CLIC4: variants seen among roughly 807,000 people sequenced by gnomAD.
CLIC4 encodes the protein CLIC family member 4.
A neutral mutation model predicts 24.6 loss-of-function variants in CLIC4; 13 were observed. That is an observed-to-expected ratio of 0.53 (90% confidence interval 0.34 to 0.84). The LOEUF (loss-of-function observed/expected upper bound fraction) is 0.84. CLIC4 is among the 40% of genes least tolerant of loss of function. The probability of loss-of-function intolerance (pLI) is 0.01; values close to 1 mark genes in which losing one functional copy is unlikely to be tolerated. For synonymous variants in CLIC4, 104 were observed against 111.3 expected (o/e 0.93, Z 0.41); for missense variants, 227 against 301.7 (o/e 0.75, Z 1.83).
At chr1:24,807,120 A>AC (rs1639558557) in intron 2 of CLIC4, among the ~76,000 whole-genome samples, 4 of 151,612 alleles carry the variant, frequency 2.6e-5, no homozygotes, top group African/African-American at 9.7e-5. Flanking sequence ...AGAGAGAGAG[A>AC]CCCCCATCTC....
intron 2 of CLIC4, among the ~76,000 whole-genome samples, chr1:24,805,783 T>C (rs1289492707): frequency 6.6e-6 from 1 of 152,222 alleles, no homozygotes; most frequent in Non-Finnish European, 1.5e-5. Flanking sequence ...CCTCCAATTG[T>C]TGCAATTGTA....
At chr1:24,755,891 G>A (rs1367710176) in intron 1 of CLIC4, among the ~76,000 whole-genome samples, 8 of 146,480 alleles carry the variant, frequency 5.5e-5, no homozygotes, top group Admixed American at 4.8e-4. Flanking sequence ...GTGCGATCTC[G>A]GCTCACTGCA....
intron 3 of CLIC4, among the ~76,000 whole-genome samples, chr1:24,826,728 A>G (rs1280820337): frequency 2.0e-5 from 3 of 152,186 alleles, no homozygotes; most frequent in African/African-American, 7.2e-5. Flanking sequence ...AAATCTCTGA[A>G]CAAGTCAACT....
chr1:24,795,847 A>C (rs546952909), intron 1 of CLIC4, among the ~76,000 whole-genome samples: 173 of 152,088 alleles, frequency 1.1e-3, no homozygotes, highest in Middle Eastern at 6.8e-3. Context: ...GGATTACAGG[A>C]GTCAGCCACT....
intron 2 of CLIC4, among the ~76,000 whole-genome samples, chr1:24,801,111 A>T (rs10903103): frequency 0.99 from 150,984 of 151,878 alleles, 75,049 homozygotes; most frequent in Middle Eastern, 1. Context: ...AATGGGAAAA[A>T]CTAGGGTTTG....
chr1:24,805,494 T>G (rs979864313), intron 2 of CLIC4, among the ~76,000 whole-genome samples: 1 of 152,214 alleles, frequency 6.6e-6, no homozygotes, highest in Non-Finnish European at 1.5e-5. Context: ...TATGTTTATA[T>G]AGTGTCCAGT....
At position 24,778,484 on chromosome 1, in the gene CLIC4, A is replaced by G. The variant is rs145777462; in HGVS notation, c.73-19258A>G. ...GTTGATACTTATAGGGAATATAATC[A>G]AGGTAGATCCAGACTAGGAAAAAAG... is the stretch of plus-strand genomic sequence containing the variant. On this transcript the variant is annotated intron_variant, in intron 1 of 5. Coordinates refer to ENST00000374379, the MANE Select transcript of CLIC4 (RefSeq NM_013943.3). Among the ~76,000 whole-genome samples the G allele has an allele frequency of 4.2e-4, 64 of 152,338 alleles. No individual in the cohort carries two copies. In the East Asian group the frequency reaches 0.01, roughly 24 times the overall value.
intron 2 of CLIC4, among the ~76,000 whole-genome samples, chr1:24,807,566 C>A (rs568411313): frequency 6.6e-6 from 1 of 151,964 alleles, no homozygotes; most frequent in African/African-American, 2.4e-5. Flanking sequence ...AAGAGAGTCA[C>A]CGGGTGAGTG....
intron 1 of CLIC4, among the ~76,000 whole-genome samples, chr1:24,763,592 A>G (rs961386439): frequency 6.6e-6 from 1 of 151,270 alleles, no homozygotes; most frequent in African/African-American, 2.4e-5. Context: ...ATTCAAGTCT[A>G]TGACCTTCAT....
At chr1:24,839,767 A>G in intron 4 of CLIC4, 93 bp from the exon 5 acceptor site, 2 of 1,105,070 alleles carry the variant, frequency 1.8e-6, no homozygotes. Flanking sequence ...AAACATTTTT[A>G]AACAGTTATT....
chr1:24,773,911 T>C (rs1351521420), intron 1 of CLIC4, among the ~76,000 whole-genome samples: 2 of 152,080 alleles, frequency 1.3e-5, no homozygotes, highest in Non-Finnish European at 2.9e-5. Flanking sequence ...AGATGCACTT[T>C]TTTTTGATGT....
At chr1:24,799,659 G>GC (rs1217494451) in intron 2 of CLIC4, among the ~76,000 whole-genome samples, 12 of 121,066 alleles carry the variant, frequency 9.9e-5, no homozygotes, top group East Asian at 8.2e-4. Context: ...GGGGGGGTCA[G>GC]CCCCCCCGCC....
rs532994306 is a variant in CLIC4 at position 24,830,807 on chromosome 1, G to T, written c.415+3691G>T. ...GGGATACCAGCATTACTACATCGGG[G>T]TATTGGAGAATAATAGTGCTACTTA... On this transcript the variant is annotated intron_variant, in intron 4 of 5. Coordinates refer to ENST00000374379, the MANE Select transcript of CLIC4 (RefSeq NM_013943.3). 4.6e-5 allele frequency among the ~76,000 whole-genome samples: 7 copies of T among 152,268 alleles called. No homozygotes were observed. In the South Asian group the frequency reaches 1.5e-3, roughly 32 times the overall value.
intron 1 of CLIC4, among the ~76,000 whole-genome samples, chr1:24,776,722 C>T (rs1023115385): frequency 2.0e-5 from 3 of 151,980 alleles, no homozygotes. Flanking sequence ...AGGTGGATCA[C>T]CAGAGGTCAG....
Position 24,840,049 on chromosome 1 carries a change from T to C in CLIC4, c.597+8T>C, listed in dbSNP as rs747247070. The C allele has an allele frequency of 4.3e-6, 7 of 1,612,136 alleles. No homozygotes were observed. In the Admixed American group the frequency reaches 1.2e-4, roughly 27 times the overall value. On this transcript the variant is annotated splice_region_variant and intron_variant, in intron 5 of 5. Transcript: ENST00000374379. ...AAACTGCATATTGTCAAGGTAGGTC[T>C]GTAGGGGTTGATGTCGCATTGCCAT...
Position 24,804,347 on chromosome 1 carries a change from C to CTG in CLIC4, c.182+6505_182+6506dup, listed in dbSNP as rs575316573. Among the ~76,000 whole-genome samples the CTG allele has an allele frequency of 2.2e-5, 3 of 136,918 alleles. No individual in the cohort carries two copies. The South Asian group carries it at 7.6e-4, about 34-fold the overall frequency. 89.8% of individuals were successfully genotyped at this position (136,918 alleles called of 152,430 possible). A position where few individuals can be genotyped will look rare whatever the true frequency, so the allele number is the denominator to read the frequency against. Reference sequence around the variant, plus strand: ...GCATTCAGAATCACATGTGTACCCACTGTGTGTGTGGGGGGTGTGTGTATG... The same window carrying CTG: ...GCATTCAGAATCACATGTGTACCCACTGTGTGTGTGTGGGGGGTGTGTGTATG... On this transcript the variant is annotated intron_variant, in intron 2 of 5. Transcript: ENST00000374379.
At chr1:24,823,153 AAT>A (rs1283693596) in intron 3 of CLIC4, among the ~76,000 whole-genome samples, 1 of 152,254 alleles carries the variant, frequency 6.6e-6, no homozygotes, top group African/African-American at 2.4e-5. Flanking sequence ...AATCATGACA[AAT>A]ATAAATACAG....
chr1:24,825,576 A>G (rs1639779785), intron 3 of CLIC4, among the ~76,000 whole-genome samples: 1 of 152,238 alleles, frequency 6.6e-6, no homozygotes, highest in Non-Finnish European at 1.5e-5. Flanking sequence ...TTGTGTTTAT[A>G]AGATAAATCT....
In CLIC4 at chr1:24,802,824, G is replaced by A. The variant is rs1404620349; in HGVS notation, c.182+4973G>A. The stretch of plus-strand genomic sequence containing the variant: ...GCTCCTGGGCTCAAGTAATCCTCCA[G>A]CCTCAGCCTCCCAAGTAGCTAGGAC... On this transcript the variant is annotated intron_variant, in intron 2 of 5. Transcript: ENST00000374379. Among the ~76,000 whole-genome samples, 3 of 151,036 alleles carry A rather than the reference G, an allele frequency of 2.0e-5. No individual in the cohort carries two copies. The East Asian group carries it at 5.9e-4, about 29-fold the overall frequency.
Sources: gnomAD v4.1 joint callset for allele counts (sites outside exome capture counted in the v4.1 genomes callset) on GRCh38, gnomAD v4.1.1 for gene constraint, MANE v1.5 for transcripts, NCBI Gene and HGNC (gene_info 2026-07-23, HGNC 2026-07-21) for gene names.